Variants in PIP5K1B observed in about 807,000 individuals in gnomAD.
PIP5K1B encodes the protein phosphatidylinositol-4-phosphate 5-kinase type 1 beta.
A neutral mutation model predicts 67.0 loss-of-function variants in PIP5K1B; 42 were observed. The observed-to-expected ratio is 0.63, with a 90% CI of 0.49 to 0.81. PIP5K1B has a LOEUF of 0.81. PIP5K1B is among the 30% of genes least tolerant of loss of function. The pLI is 0.00. For missense variants in PIP5K1B, 459 were observed against 646.3 expected, an observed-to-expected ratio of 0.71 and a Z score of 3.14; for synonymous variants, 214 against 231.4, an observed-to-expected ratio of 0.92 and a Z score of 0.68.
intron 2 of PIP5K1B, among the ~76,000 whole-genome samples, chr9:68,767,738 T>G (rs1258727997): frequency 2.6e-5 from 4 of 152,014 alleles, no homozygotes; most frequent in African/African-American, 9.7e-5. Context: ...AAGAAAAACC[T>G]GTATGGTCAT....
chr9:68,797,529 A>T (rs868619622), intron 2 of PIP5K1B, among the ~76,000 whole-genome samples: 8 of 152,218 alleles, frequency 5.3e-5, no homozygotes, highest in Admixed American at 1.3e-4. Context: ...TCAGTTTTTT[A>T]AAATCTTCAT....
In PIP5K1B at chr9:68,825,050, T is replaced by C. The variant is rs529001898; in HGVS notation, c.69+2367T>C. Among the ~76,000 whole-genome samples, 32 of 152,366 alleles carry C rather than the reference T, an allele frequency of 2.1e-4. 1 individual carries two copies. The South Asian group carries it at 5.4e-3, about 26-fold the overall frequency. On this transcript the variant is annotated intron_variant, in intron 4 of 15. Transcript: ENST00000265382. ...ATAAGTGAGACATTATTCCCCAGTA[T>C]AATTTGAGCATTATTATTAAACATA...
intron 4 of PIP5K1B, among the ~76,000 whole-genome samples, chr9:68,830,674 C>T (rs546391932): frequency 6.6e-5 from 10 of 152,272 alleles, no homozygotes; most frequent in African/African-American, 2.4e-4. Context: ...ACTTCCTGCA[C>T]GGCTTCCTTC....
chr9:68,731,921 A>G (rs1300643408), intron 1 of PIP5K1B, among the ~76,000 whole-genome samples: 2 of 152,248 alleles, frequency 1.3e-5, no homozygotes, highest in Non-Finnish European at 2.9e-5. Flanking sequence ...GAAGCATTTT[A>G]TAATAAGCAA....
At chr9:68,835,924 A>C (rs1393756611) in intron 4 of PIP5K1B, among the ~76,000 whole-genome samples, 1 of 148,862 alleles carries the variant, frequency 6.7e-6, no homozygotes, top group Non-Finnish European at 1.5e-5. Context: ...TGTCTGATTT[A>C]GTTTGAGGAA....
chr9:68,862,944 A>C (rs914371025), intron 4 of PIP5K1B, among the ~76,000 whole-genome samples: 10 of 152,104 alleles, frequency 6.6e-5, no homozygotes, highest in African/African-American at 2.4e-4. Flanking sequence ...AAATAAAAAG[A>C]TATAAAGCAT....
intron 2 of PIP5K1B, among the ~76,000 whole-genome samples, chr9:68,773,076 T>C (rs1830742951): frequency 6.6e-6 from 1 of 152,248 alleles, no homozygotes; most frequent in Non-Finnish European, 1.5e-5. Flanking sequence ...AGTTTGGTTC[T>C]TTCTTTGCTA....
At chr9:68,860,040 T>C (rs1822981900) in intron 4 of PIP5K1B, among the ~76,000 whole-genome samples, 1 of 152,208 alleles carries the variant, frequency 6.6e-6, no homozygotes, top group Non-Finnish European at 1.5e-5. Context: ...CACATAGTTA[T>C]TTTTTGTGAT....
chr9:68,869,026 A>C (rs1317918298), intron 5 of PIP5K1B, among the ~76,000 whole-genome samples: 1 of 152,224 alleles, frequency 6.6e-6, no homozygotes, highest in East Asian at 1.9e-4. Context: ...ATTCATATAA[A>C]ATATTGCCTC....
At chr9:68,746,019 A>G (rs1284068589) in intron 2 of PIP5K1B, among the ~76,000 whole-genome samples, 1 of 151,900 alleles carries the variant, frequency 6.6e-6, no homozygotes, top group East Asian at 1.9e-4. Context: ...TGAATTAAAA[A>G]GTTACTTTTG....
chr9:68,734,609 A>C (rs1564095885), intron 1 of PIP5K1B, among the ~76,000 whole-genome samples: 1 of 152,174 alleles, frequency 6.6e-6, no homozygotes, highest in Admixed American at 6.5e-5. Context: ...TTTTCCTCTA[A>C]TGTGATGACT....
intron 2 of PIP5K1B, among the ~76,000 whole-genome samples, chr9:68,806,923 A>C (rs1163430046): frequency 7.6e-6 from 1 of 132,338 alleles, no homozygotes; most frequent in East Asian, 2.2e-4. Context: ...TGGCTGATTT[A>C]TTATCTCTTT....
chr9:68,924,852 GAA>G (rs149515791), intron 12 of PIP5K1B, among the ~76,000 whole-genome samples: 1 of 149,862 alleles, frequency 6.7e-6, no homozygotes, highest in East Asian at 1.9e-4. Context: ...ACAAGAAGAT[GAA>G]AAAAAAATGA....
chr9:68,705,588 C>T lies in PIP5K1B; in HGVS notation c.-417C>T, dbSNP rs1450002391. 6.8e-6 allele frequency: 1 copy of T among 147,348 alleles called. No homozygotes were observed. The highest frequency in any genetic ancestry group is 2.5e-5 in the African/African-American group (1 of 40,322). The allele number at this position is 147,348 out of a possible 1,614,324, so 9.1% of individuals were successfully genotyped here. Reference sequence around the variant, plus strand: ...GGCACCTGCCCGCCCTCAGCGTTGCCCCCGGCCCCGGCCCCGCCCGCCGCC... The same window carrying T: ...GGCACCTGCCCGCCCTCAGCGTTGCTCCCGGCCCCGGCCCCGCCCGCCGCC... On this transcript the variant is annotated 5_prime_UTR_variant, in exon 1 of 16. Coordinates refer to ENST00000265382, the MANE Select transcript of PIP5K1B (RefSeq NM_003558.4).
chr9:68,761,753 C>T (rs996644248), intron 2 of PIP5K1B, among the ~76,000 whole-genome samples: 1 of 152,036 alleles, frequency 6.6e-6, no homozygotes, highest in South Asian at 2.1e-4. Context: ...TTAAAAGAAC[C>T]CTTGTGACTA....
intron 14 of PIP5K1B, among the ~76,000 whole-genome samples, chr9:68,947,685 C>T (rs766688656): frequency 2.0e-5 from 3 of 152,172 alleles, no homozygotes; most frequent in African/African-American, 4.8e-5. Flanking sequence ...AATCATGGAA[C>T]CAATTTATTC....
intron 4 of PIP5K1B, among the ~76,000 whole-genome samples, chr9:68,836,371 G>C (rs13296538): frequency 1.3e-5 from 2 of 152,148 alleles, no homozygotes; most frequent in South Asian, 4.1e-4. Flanking sequence ...ATACAAAAGA[G>C]ATTTAAAGCG....
At chr9:68,937,719 C>A (rs1412005630) in intron 13 of PIP5K1B, among the ~76,000 whole-genome samples, 2 of 152,174 alleles carry the variant, frequency 1.3e-5, no homozygotes. Context: ...TCAGGTCTTT[C>A]CTGCTTTCTC....
Position 68,940,751 on chromosome 9 carries a change from A to G in PIP5K1B, c.1463A>G (p.Glu488Gly). ...TISSSSLYVNEHYPHDRPTLY... is the reference protein window; with the variant it reads ...TISSSSLYVNGHYPHDRPTLY... The stretch of plus-strand genomic sequence containing the variant: ...TCATCTTCTTCCTTATACGTCAATG[A>G]GCACTATCCACACGACAGGCCTACA... The change falls in exon 14 of 16, where the codon GAG (glutamate) becomes GGG (glycine). Residue 488 changes from glutamate to glycine, a missense_variant. Glu to Gly is a moderately conservative substitution (Grantham distance 98). Transcript: ENST00000265382. 1 of 1,613,908 alleles carries G rather than the reference A, an allele frequency of 6.2e-7. No homozygotes were observed.
Sources: gnomAD v4.1 joint callset for allele counts (sites outside exome capture counted in the v4.1 genomes callset) on GRCh38, gnomAD v4.1.1 for gene constraint, MANE v1.5 for transcripts, NCBI Gene and HGNC (gene_info 2026-07-23, HGNC 2026-07-21) for gene names.